AGO4: variants seen among roughly 807,000 people sequenced by gnomAD.
AGO4 encodes the protein argonaute RISC component 4, also known as protein argonaute-4.
Under a neutral mutation model 104.7 loss-of-function variants are expected in AGO4, and 33 were observed. That is an observed-to-expected ratio of 0.32 (90% CI 0.24 to 0.42). AGO4 has a LOEUF of 0.42. Among genes scored for constraint, AGO4 ranks in the 10% least tolerant of loss-of-function variants. AGO4 has a pLI of 1.00. For missense variants in AGO4, 711 were observed against 1,083.4 expected (o/e 0.66, Z 4.83); for synonymous variants, 331 against 364.7 (o/e 0.91, Z 1.05).
At chr1:35,834,275 A>C in intron 12 of AGO4, 101 bp downstream of exon 12, 6 of 1,051,742 alleles carry the variant, frequency 5.7e-6, no homozygotes, top group Non-Finnish European at 7.7e-6. Context: ...TCAAACTCTC[A>C]GTGGTTCACA....
At chr1:35,852,684 G>C (rs1644730306) in intron 17 of AGO4, among the ~76,000 whole-genome samples, 1 of 152,188 alleles carries the variant, frequency 6.6e-6, no homozygotes, top group African/African-American at 2.4e-5. Context: ...TTATATCCCA[G>C]TGGGAAAATA....
chr1:35,850,333 C>G, intron 16 of AGO4, 75 bp downstream of exon 16: 1 of 1,117,826 alleles, frequency 8.9e-7, no homozygotes. Context: ...CTTGAGTCGA[C>G]TTGTTATTTA....
At chr1:35,816,522 C>A (rs147490106) in intron 1 of AGO4, among the ~76,000 whole-genome samples, 28 of 152,134 alleles carry the variant, frequency 1.8e-4, no homozygotes, top group Non-Finnish European at 3.8e-4. Flanking sequence ...CACAGCAGGC[C>A]AGGTGCGGTG....
At chr1:35,834,287 C>G (rs1316447786) in intron 12 of AGO4, 113 bp downstream of exon 12, 6 of 973,808 alleles carry the variant, frequency 6.2e-6, no homozygotes, top group Non-Finnish European at 8.3e-6. Flanking sequence ...TGGTTCACAA[C>G]AACAAAGATT....
chr1:35,835,240 A>G (rs1302146118), intron 12 of AGO4, among the ~76,000 whole-genome samples: 2 of 151,912 alleles, frequency 1.3e-5, no homozygotes, highest in Admixed American at 6.6e-5. Flanking sequence ...TATTTTTAGT[A>G]GAGATGGGGT....
At chr1:35,844,720 G>A (rs189586748) in intron 15 of AGO4, among the ~76,000 whole-genome samples, 2 of 151,868 alleles carry the variant, frequency 1.3e-5, no homozygotes, top group Non-Finnish European at 1.5e-5. Flanking sequence ...GGTCAATTAC[G>A]CATTATTTTT....
chr1:35,819,496 G>A lies in AGO4; in HGVS notation c.185+2449G>A, dbSNP rs1008860420. ...TTGGATGTGAGCACTTTGGGAGGCC[G>A]AGGTGGGTGGATCACGAGGTCAGAA... On this transcript the variant is annotated intron_variant, in intron 2 of 17. Coordinates refer to ENST00000373210, the MANE Select transcript of AGO4 (RefSeq NM_017629.4). Among the ~76,000 whole-genome samples the A allele has an allele frequency of 3.3e-5, 5 of 151,996 alleles. No individual in the cohort carries two copies. The East Asian group carries it at 5.8e-4, about 18-fold the overall frequency.
chr1:35,831,822 T>C lies in AGO4; in HGVS notation c.1007T>C (p.Ile336Thr). The change falls in exon 9 of 18, where the codon ATA (isoleucine) becomes ACA (threonine). Residue 336 changes from isoleucine (I) to threonine (T), a missense_variant. This residue lies in a region of AGO4 where 401 missense variants were observed against 665.5 expected (regional missense o/e 0.60). Coordinates refer to ENST00000373210, the MANE Select transcript of AGO4 (RefSeq NM_017629.4). ...TTTGTCTCTTGGCAGGTCTGTAATA[T>C]AGTGGCAGGACAGCGATGTATCAAG... is the stretch of plus-strand genomic sequence containing the variant. ...HTYLPLEVCNIVAGQRCIKKL... is the reference protein window; with the variant it reads ...HTYLPLEVCNTVAGQRCIKKL... The C allele has an allele frequency of 3.7e-6, 6 of 1,614,036 alleles. No homozygotes were observed. Among genetic ancestry groups the C allele is most frequent in the Non-Finnish European group, 4.2e-6 (5 of 1,179,968 alleles).
chr1:35,837,668 C>T (rs1325316176), intron 13 of AGO4, among the ~76,000 whole-genome samples: 2 of 152,194 alleles, frequency 1.3e-5, no homozygotes, highest in Admixed American at 1.3e-4. Context: ...GCATGAGCCA[C>T]CATGCCTAGC....
At chr1:35,853,422 T>G in intron 17 of AGO4, 75 bp from the exon 18 acceptor site, 1 of 1,398,688 alleles carries the variant, frequency 7.1e-7, no homozygotes, top group East Asian at 2.3e-5. Flanking sequence ...TGTTTTTTGT[T>G]TTTTTGTTGT....
chr1:35,853,715 C>A lies in AGO4; in HGVS notation c.*110C>A. ...ACGTTGACTTCAGGTGGTCTTCTAC[C>A]AGCAGCTCGGAATAGTTGCACTGAA... On this transcript the variant is annotated 3_prime_UTR_variant, in exon 18 of 18. Transcript: ENST00000373210. The A allele has an allele frequency of 1.2e-6, 1 of 833,806 alleles. No individual in the cohort carries two copies. Among genetic ancestry groups the A allele is most frequent in the Non-Finnish European group, 1.9e-6 (1 of 516,032 alleles). 51.7% of individuals were successfully genotyped at this position (833,806 alleles called of 1,614,324 possible). A position where few individuals can be genotyped will look rare whatever the true frequency, so the allele number is the denominator to read the frequency against.
intron 2 of AGO4, among the ~76,000 whole-genome samples, chr1:35,821,826 T>G (rs1643892330): frequency 6.6e-6 from 1 of 152,096 alleles, no homozygotes; most frequent in South Asian, 2.1e-4. Context: ...GATCTTAGAT[T>G]TACTGATCCT....
intron 10 of AGO4, 61 bp downstream of exon 10, chr1:35,832,246 A>G: frequency 6.3e-7 from 1 of 1,589,784 alleles, no homozygotes; most frequent in Non-Finnish European, 8.5e-7. Context: ...AGAATAATCC[A>G]GGGTTTCTCT....
In AGO4 at chr1:35,824,541, A is replaced by G. The variant is rs191026469; in HGVS notation, c.307-772A>G. 9.2e-3 allele frequency among the ~76,000 whole-genome samples: 1,398 copies of G among 152,030 alleles called. 5 individuals carry two copies. Among genetic ancestry groups the G allele is most frequent in the Non-Finnish European group, 0.014 (919 of 67,974 alleles). The stretch of plus-strand genomic sequence containing the variant: ...CTGGGTGTAGTGCTTCACCCAGCCA[A>G]AAATCCCAGTGCTGTGGGAGATCGA... On this transcript the variant is annotated intron_variant, in intron 3 of 17. Coordinates refer to ENST00000373210, the MANE Select transcript of AGO4 (RefSeq NM_017629.4).
intron 15 of AGO4, among the ~76,000 whole-genome samples, chr1:35,848,946 A>G (rs1368540447): frequency 6.6e-6 from 1 of 152,192 alleles, no homozygotes; most frequent in Admixed American, 6.5e-5. Flanking sequence ...TTCTATACTC[A>G]TAGAGTTATG....
At chr1:35,810,257 T>C (rs941746406) in intron 1 of AGO4, among the ~76,000 whole-genome samples, 1 of 152,216 alleles carries the variant, frequency 6.6e-6, no homozygotes, top group African/African-American at 2.4e-5. Flanking sequence ...AACTAATAAG[T>C]AGCTGCCTGC....
chr1:35,843,157 C>T (rs980447680), intron 15 of AGO4, among the ~76,000 whole-genome samples: 2 of 152,074 alleles, frequency 1.3e-5, no homozygotes, highest in Admixed American at 6.6e-5. Flanking sequence ...CTCTGCCTCC[C>T]GAGGTTCAAG....
In AGO4 at chr1:35,822,950, A is replaced by G; in HGVS notation, c.274A>G (p.Thr92Ala). 1 of 1,614,110 alleles carries G rather than the reference A, an allele frequency of 6.2e-7. No homozygotes were observed. Among genetic ancestry groups the G allele is most frequent in the Non-Finnish European group, 8.5e-7 (1 of 1,179,990 alleles). The change falls in exon 3 of 18, where the codon ACA becomes GCA. Residue 92 changes from threonine (T) to alanine (A), a missense_variant. Thr to Ala is a moderately conservative substitution (Grantham distance 58). Transcript: ENST00000373210. ...GTATGATGGCAAAAGAAACATGTACACAGCACATCCACTACCAATTGGACG... is the reference window on the plus strand; with the variant it reads ...GTATGATGGCAAAAGAAACATGTACGCAGCACATCCACTACCAATTGGACG... ...PGYDGKRNMY[T>A]AHPLPIGRDR...
chr1:35,822,077 A>G (rs987978994), intron 2 of AGO4, among the ~76,000 whole-genome samples: 27 of 151,796 alleles, frequency 1.8e-4, no homozygotes, highest in African/African-American at 6.3e-4. Flanking sequence ...ACTGGGTTTC[A>G]CTGTGTTGGC....
Sources: allele counts gnomAD v4.1 joint callset (sites outside exome capture counted in the v4.1 genomes callset), GRCh38; gene constraint gnomAD v4.1.1; regional missense constraint gnomAD v4.1.1; transcripts MANE v1.5; gene names NCBI Gene and HGNC (gene_info 2026-07-23, HGNC 2026-07-21).